Variants in NR2C1 observed in about 807,000 individuals in gnomAD.
NR2C1 encodes nuclear receptor subfamily 2 group C member 1.
A neutral mutation model predicts 74.8 loss-of-function variants in NR2C1; 33 were observed. The observed-to-expected ratio is 0.44, with a 90% confidence interval of 0.33 to 0.59. NR2C1 has a LOEUF of 0.59. Ranked by LOEUF, NR2C1 falls within the 20% of genes least tolerant of loss-of-function variation. The pLI is 0.02. For synonymous variants in NR2C1, 225 were observed against 240.6 expected, an observed-to-expected ratio of 0.94 and a Z score of 0.60; for missense variants, 568 against 715.6, an observed-to-expected ratio of 0.79 and a Z score of 2.35.
intron 3 of NR2C1, among the ~76,000 whole-genome samples, chr12:95,061,213 A>G (rs76517830): frequency 0.034 from 5,157 of 152,298 alleles, 125 homozygotes; most frequent in Middle Eastern, 0.078. Flanking sequence ...AGACATGTCA[A>G]CTCAATGCAA....
chr12:95,060,832 G>A (rs941898073), intron 3 of NR2C1, among the ~76,000 whole-genome samples: 1 of 152,078 alleles, frequency 6.6e-6, no homozygotes, highest in East Asian at 1.9e-4. Flanking sequence ...AACTTTAAAT[G>A]GTTCTTAAAA....
intron 9 of NR2C1, among the ~76,000 whole-genome samples, chr12:95,042,264 C>T (rs1386241445): frequency 1.3e-5 from 2 of 150,026 alleles, no homozygotes; most frequent in Non-Finnish European, 3.0e-5. Context: ...CTCTGTCACC[C>T]AGGCTGGAGT....
intron 10 of NR2C1, among the ~76,000 whole-genome samples, chr12:95,037,181 A>G (rs1303306051): frequency 2.0e-5 from 3 of 152,212 alleles, no homozygotes; most frequent in Admixed American, 6.5e-5. Flanking sequence ...CTGCTGCCAT[A>G]CTTACTCCAG....
intron 8 of NR2C1, among the ~76,000 whole-genome samples, chr12:95,049,923 C>T (rs1872756189): frequency 6.6e-6 from 1 of 152,086 alleles, no homozygotes; most frequent in African/African-American, 2.4e-5. Context: ...CCTCAACCTC[C>T]CGAGCAGCTG....
chr12:95,068,832 G>A (rs537802804), intron 1 of NR2C1, among the ~76,000 whole-genome samples: 223 of 151,210 alleles, frequency 1.5e-3, no homozygotes, highest in Non-Finnish European at 2.4e-3. Context: ...GCATGGTGGC[G>A]GGTGCCCGTA....
intron 1 of NR2C1, among the ~76,000 whole-genome samples, chr12:95,068,228 C>G (rs1397473557): frequency 6.6e-6 from 1 of 152,198 alleles, no homozygotes; most frequent in Non-Finnish European, 1.5e-5. Flanking sequence ...CTCTGAGTGT[C>G]TGTGTCCTCT....
At chr12:95,049,650 GAT>G (rs58103595) in intron 8 of NR2C1, among the ~76,000 whole-genome samples, 7 of 150,614 alleles carry the variant, frequency 4.6e-5, no homozygotes, top group Admixed American at 1.3e-4. Flanking sequence ...TTATATGTAT[GAT>G]ATATATATAT....
chr12:95,038,076 G>A (rs1421443745), intron 10 of NR2C1, among the ~76,000 whole-genome samples: 1 of 152,010 alleles, frequency 6.6e-6, no homozygotes, highest in Non-Finnish European at 1.5e-5. Flanking sequence ...TTTACATAAT[G>A]GCCTTGACTG....
intron 9 of NR2C1, among the ~76,000 whole-genome samples, chr12:95,044,866 A>T (rs1206835645): frequency 6.6e-6 from 1 of 152,114 alleles, no homozygotes; most frequent in Non-Finnish European, 1.5e-5. Context: ...TGGGCTATAG[A>T]GCCAGTCTGT....
chr12:95,032,579 G>A (rs1213979007), intron 10 of NR2C1, among the ~76,000 whole-genome samples: 1 of 152,152 alleles, frequency 6.6e-6, no homozygotes, highest in African/African-American at 2.4e-5. Context: ...TTGAAATTAG[G>A]CAAACTTCCC....
intron 10 of NR2C1, among the ~76,000 whole-genome samples, chr12:95,040,165 GTCTC>G (rs58034203): frequency 0.26 from 40,020 of 151,788 alleles, 5,600 homozygotes; most frequent in Non-Finnish European, 0.28. Context: ...CAGTCTTACA[GTCTC>G]TCTATCTTTG....
At chr12:95,055,821 C>T (rs1334940494) in intron 7 of NR2C1, among the ~76,000 whole-genome samples, 1 of 151,690 alleles carries the variant, frequency 6.6e-6, no homozygotes. Context: ...GGCGTGGTGG[C>T]GGGCGCCTGT....
intron 11 of NR2C1, 69 bp downstream of exon 11, chr12:95,031,280 A>G (rs1035596324): frequency 1.4e-5 from 18 of 1,289,408 alleles, no homozygotes; most frequent in Non-Finnish European, 1.7e-5. Context: ...ATCTAACTTT[A>G]GTCATAACAT....
rs138805411 is a variant in NR2C1 at position 95,062,591 on chromosome 12, T to C, written c.202A>G (p.Lys68Glu). 1,441 of 1,614,146 alleles carry C rather than the reference T, an allele frequency of 8.9e-4. 14 individuals carry two copies. The East Asian group carries it at 0.026, about 29-fold the overall frequency. Residue 68 changes from lysine (K) to glutamate (E), a missense_variant, in exon 3 of 14, where the codon AAA becomes GAA. Coordinates refer to ENST00000333003, the MANE Select transcript of NR2C1 (RefSeq NM_003297.4). ...GCATCTGGAGTTGTAAGGAAAACTT[T>C]TCCCGGAGTGGAATCTTGCCTGGCC... The part of the protein sequence containing the change: ...ILARQDSTPG[K>E]VFLTTPDAAG...
intron 11 of NR2C1, 45 bp from the exon 12 acceptor site, chr12:95,028,569 GAAC>G: frequency 2.4e-6 from 3 of 1,276,586 alleles, no homozygotes; most frequent in Non-Finnish European, 3.3e-6. Context: ...TGTCTAAAAT[GAAC>G]AACTACTTTC....
chr12:95,043,174 T>TC (rs1871818017), intron 9 of NR2C1, among the ~76,000 whole-genome samples: 1 of 152,066 alleles, frequency 6.6e-6, no homozygotes. Context: ...GGCAGAAGGA[T>TC]CCCTTTAGCC....
At chr12:95,060,373 G>C (rs562155406) in intron 3 of NR2C1, among the ~76,000 whole-genome samples, 125 of 152,330 alleles carry the variant, frequency 8.2e-4, no homozygotes, top group African/African-American at 2.5e-3. Context: ...ACAAAAAAAG[G>C]CTGGGTGCGG....
intron 8 of NR2C1, among the ~76,000 whole-genome samples, chr12:95,051,119 C>G (rs1206988240): frequency 6.6e-6 from 1 of 152,086 alleles, no homozygotes; most frequent in Non-Finnish European, 1.5e-5. Context: ...CTTAAATTTT[C>G]TAAGTGAAAA....
chr12:95,030,505 C>G (rs1162345333), intron 11 of NR2C1: 1 of 1,584,062 alleles, frequency 6.3e-7, no homozygotes, highest in East Asian at 2.3e-5. Context: ...TGAAGGTAGG[C>G]TTTATAACCA....
Sources: allele counts gnomAD v4.1 joint callset (sites outside exome capture counted in the v4.1 genomes callset), GRCh38; gene constraint gnomAD v4.1.1; transcripts MANE v1.5; gene names NCBI Gene and HGNC (gene_info 2026-07-23, HGNC 2026-07-21).